PRDM15: variants seen among roughly 807,000 people sequenced by gnomAD.
PRDM15 encodes PR/SET domain 15.
A neutral mutation model predicts 128.6 loss-of-function variants in PRDM15; 64 were observed. The ratio of observed to expected loss-of-function variants is 0.50; its 90% CI spans 0.41 to 0.61. The LOEUF is 0.61. PRDM15 is among the 20% of genes least tolerant of loss of function. PRDM15 has a pLI of 0.00. For missense variants in PRDM15, 1,242 were observed against 1,569.1 expected (o/e 0.79, Z 3.52); for synonymous variants, 615 against 621.8 (o/e 0.99, Z 0.16).
chr21:41,830,316 C>T (rs1174767735), intron 11 of PRDM15, among the ~76,000 whole-genome samples: 1 of 151,070 alleles, frequency 6.6e-6, no homozygotes, highest in East Asian at 1.9e-4. Context: ...ACAACACATA[C>T]TCAACACATA....
intron 11 of PRDM15, among the ~76,000 whole-genome samples, chr21:41,835,008 G>A (rs2839390): frequency 0.57 from 86,044 of 152,104 alleles, 24,816 homozygotes; most frequent in Admixed American, 0.66. Context: ...CGCAGGAGAT[G>A]TGGATGGAGG....
chr21:41,877,893 C>T (rs185035691), intron 1 of PRDM15, among the ~76,000 whole-genome samples: 1 of 152,312 alleles, frequency 6.6e-6, no homozygotes, highest in East Asian at 1.9e-4. Flanking sequence ...GGTGTTTTTG[C>T]TCTTGAAAGT....
Position 41,828,263 on chromosome 21 carries a change from C to T in PRDM15, c.1437G>A (p.Lys479=). Residue 479 remains lysine (K), a synonymous_variant, in exon 12 of 24, where the codon AAG becomes AAA. Transcript: ENST00000398548. The surrounding 1 kb of genome is among the most constrained non-coding windows in gnomAD (Gnocchi z 5.7). The part of the protein sequence containing the change: ...FSTNSNLSKH[K]KKHGDKKFAC... ...CAAACTTCTTGTCGCCGTGCTTCTT[C>T]TTGTGCTTGGAGAGGTTGCTGTTGG... is the stretch of plus-strand genomic sequence containing the variant. 1.2e-6 allele frequency: 2 copies of T among 1,614,108 alleles called. No homozygotes were observed. Among genetic ancestry groups the T allele is most frequent in the Non-Finnish European group, 1.7e-6 (2 of 1,180,008 alleles).
chr21:41,836,082 G>C (rs1224180514), intron 10 of PRDM15, 31 bp downstream of exon 10: 1 of 1,522,378 alleles, frequency 6.6e-7, no homozygotes, highest in Admixed American at 1.7e-5. Flanking sequence ...CACACAACTG[G>C]GAAGAGAACC....
intron 22 of PRDM15, among the ~76,000 whole-genome samples, chr21:41,803,993 C>A (rs2061489650): frequency 7.5e-6 from 1 of 134,092 alleles, no homozygotes; most frequent in Non-Finnish European, 1.5e-5. Flanking sequence ...CAGACACAGT[C>A]TCGCTCTGTT....
intron 1 of PRDM15, among the ~76,000 whole-genome samples, chr21:41,878,064 C>T (rs2064484705): frequency 6.6e-6 from 1 of 152,260 alleles, no homozygotes; most frequent in Non-Finnish European, 1.5e-5. Flanking sequence ...GATCACCACC[C>T]TTATCGAGTG....
chr21:41,801,611 G>A lies in PRDM15; in HGVS notation c.3055C>T (p.Leu1019Phe). Residue 1019 changes from leucine (L) to phenylalanine (F), a missense_variant, in exon 24 of 24, where the codon CTC (leucine) becomes TTC (phenylalanine). Leu to Phe is a conservative substitution (Grantham distance 22). Coordinates refer to ENST00000398548, the MANE Select transcript of PRDM15 (RefSeq NM_001040424.3). ...AGGTGCCCCACGGCCACCGGCTGGA[G>A]ATTGGTAAACTGAGTCGCGGCCGCA... ...TTAAATQFTNLQPVAVGHLTT... is the reference protein window; with the variant it reads ...TTAAATQFTNFQPVAVGHLTT... The A allele has an allele frequency of 6.2e-7, 1 of 1,614,218 alleles. No individual in the cohort carries two copies. Among genetic ancestry groups the A allele is most frequent in the Non-Finnish European group, 8.5e-7 (1 of 1,180,044 alleles).
At chr21:41,804,984 T>G (rs1186244540) in intron 21 of PRDM15, among the ~76,000 whole-genome samples, 1 of 152,230 alleles carries the variant, frequency 6.6e-6, no homozygotes, top group African/African-American at 2.4e-5. Flanking sequence ...TAGAGTAAAC[T>G]TGTTCTATGA....
intron 1 of PRDM15, among the ~76,000 whole-genome samples, chr21:41,869,835 C>T (rs1193034106): frequency 2.0e-5 from 3 of 152,228 alleles, no homozygotes; most frequent in Admixed American, 1.3e-4. Flanking sequence ...AGGCTGAGGT[C>T]CACCTTTTTG....
chr21:41,828,324 G>A lies in PRDM15; in HGVS notation c.1376C>T (p.Thr459Met), dbSNP rs2062543932. ...EFHNCRTDDKTFQCEMCFRFF... is the reference protein window; with the variant it reads ...EFHNCRTDDKMFQCEMCFRFF... ...TCTGAAACACATCTCACATTGGAAC[G>A]TCTTGTCATCTGTCCAGAGAGCAAA... The change falls in exon 12 of 24, where the codon ACG becomes ATG. Residue 459 changes from threonine to methionine, a missense_variant. Physicochemically the swap from Thr to Met is moderately conservative, Grantham distance 81. Transcript: ENST00000398548. The surrounding 1 kb of genome is among the most constrained non-coding windows in gnomAD (Gnocchi z 5.7). 2.5e-6 allele frequency: 4 copies of A among 1,613,954 alleles called. No individual in the cohort carries two copies. The highest frequency in any genetic ancestry group is 4.5e-5 in the East Asian group (2 of 44,862).
intron 21 of PRDM15, 148 bp from the exon 22 acceptor site, chr21:41,804,762 G>T: frequency 1.7e-6 from 1 of 576,886 alleles, no homozygotes; most frequent in Non-Finnish European, 3.0e-6. Flanking sequence ...CCTCTGTTCA[G>T]CTCTGACTTT....
chr21:41,810,065 G>A lies in PRDM15; in HGVS notation c.2652+89C>T, dbSNP rs186755143. 14,796 of 1,340,688 alleles carry A rather than the reference G, an allele frequency of 0.011. 116 individuals are homozygous for A. The highest frequency in any genetic ancestry group is 0.028 in the Middle Eastern group (106 of 3,830). 83.0% of individuals were successfully genotyped at this position (1,340,688 alleles called of 1,614,324 possible). A position where few individuals can be genotyped will look rare whatever the true frequency, so the allele number is the denominator to read the frequency against. On this transcript the variant is annotated intron_variant, in intron 21 of 23. Coordinates refer to ENST00000398548, the MANE Select transcript of PRDM15 (RefSeq NM_001040424.3). This position sits in a 1 kb window ranked among gnomAD's most constrained non-coding sequence, Gnocchi z 6.4. ...GGCCTGCCTCCAGTACTGGGGGTCT[G>A]CAGAGGGAGGTGGGCCATGTGCCAG...
rs1322655596 is a variant in PRDM15, at chr21:41,804,528, G to T, written c.2733+6C>A. 3 of 1,560,958 alleles carry T rather than the reference G, an allele frequency of 1.9e-6. No homozygotes were observed. The South Asian group carries it at 3.5e-5, about 18-fold the overall frequency. On this transcript the variant is annotated splice_donor_region_variant and intron_variant, in intron 22 of 23. Transcript: ENST00000398548. ...TTCTGAGCCCCTGGGGCCCCATGCT[G>T]CTCACCTGGACGATGCCAATGGAGG...
At position 41,799,416 on chromosome 21, in the gene PRDM15, C is replaced by T. The variant is rs2061367302; in HGVS notation, c.*1824G>A. The T allele has an allele frequency of 2.6e-5, 4 of 152,162 alleles. No individual in the cohort carries two copies. The highest frequency in any genetic ancestry group is 2.0e-4 in the Admixed American group (3 of 15,274). The allele number at this position is 152,162 out of a possible 1,614,324, so 9.4% of individuals were successfully genotyped here. On this transcript the variant is annotated 3_prime_UTR_variant, in exon 24 of 24. Transcript: ENST00000398548. ...TATGTATAAAACAGTTAATTATATA[C>T]ATAAATAACATAAAATAATTCTCAT...
At position 41,862,518 on chromosome 21, in the gene PRDM15, G is replaced by A. The variant is rs768655531; in HGVS notation, c.-9-2146C>T. ...GGAAACCCAGAAGAGAGGGGCGAGGGAAGCTGGAGAGCAGGGTTTTAGCCC... is the reference window on the plus strand; with the variant it reads ...GGAAACCCAGAAGAGAGGGGCGAGGAAAGCTGGAGAGCAGGGTTTTAGCCC... On this transcript the variant is annotated intron_variant, in intron 1 of 23. Transcript: ENST00000398548. The surrounding 1 kb of genome is among the most constrained non-coding windows in gnomAD (Gnocchi z 4.1). Among the ~76,000 whole-genome samples, 8 of 152,132 alleles carry A rather than the reference G, an allele frequency of 5.3e-5. No individual in the cohort carries two copies. Among genetic ancestry groups the A allele is most frequent in the African/African-American group, 1.9e-4 (8 of 41,436 alleles).
Position 41,859,192 on chromosome 21 carries a change from C to T in PRDM15, c.131+400G>A, listed in dbSNP as rs368323707. On this transcript the variant is annotated intron_variant, in intron 3 of 23. Coordinates refer to ENST00000398548, the MANE Select transcript of PRDM15 (RefSeq NM_001040424.3). The surrounding 1 kb of genome is among the most constrained non-coding windows in gnomAD (Gnocchi z 5.3). ...CCTCATAACCCCGCATCCCCTGCCC[C>T]GCCTGGGTGTGCACGTGTCCGCTGG... is the stretch of plus-strand genomic sequence containing the variant. 1.9e-4 allele frequency: 301 copies of T among 1,613,866 alleles called. No homozygotes were observed. Among genetic ancestry groups the T allele is most frequent in the Non-Finnish European group, 2.4e-4 (280 of 1,180,010 alleles).
rs28360603 is a variant in PRDM15 at position 41,821,851 on chromosome 21, G to A, written c.1896+52C>T. The A allele has an allele frequency of 0.41, 662,444 of 1,606,318 alleles. 139,956 individuals are homozygous for A. The highest frequency in any genetic ancestry group is 0.52 in the Admixed American group (30,952 of 59,954). ...TGTGTGGGGCCCACAGCCTTGAAAC[G>A]ACCACCTTCCTCTCCAGACCACCCA... On this transcript the variant is annotated intron_variant, in intron 15 of 23. Coordinates refer to ENST00000398548, the MANE Select transcript of PRDM15 (RefSeq NM_001040424.3). This position sits in a 1 kb window ranked among gnomAD's most constrained non-coding sequence, Gnocchi z 5.4.
At position 41,832,302 on chromosome 21, in the gene PRDM15, G is replaced by A. The variant is rs576150799; in HGVS notation, c.1366+3135C>T. On this transcript the variant is annotated intron_variant, in intron 11 of 23. Coordinates refer to ENST00000398548, the MANE Select transcript of PRDM15 (RefSeq NM_001040424.3). The surrounding 1 kb of genome is among the most constrained non-coding windows in gnomAD (Gnocchi z 4.2). ...TTTGTGAAAGGCCACACCTTACAGC[G>A]CTGTGGCATCAGATTGCCACAGGCC... Among the ~76,000 whole-genome samples, 5 of 151,864 alleles carry A rather than the reference G, an allele frequency of 3.3e-5. No individual in the cohort carries two copies. The highest frequency in any genetic ancestry group is 2.0e-4 in the Admixed American group (3 of 15,246).
At chr21:41,852,259 G>T (rs2063452301) in intron 5 of PRDM15, among the ~76,000 whole-genome samples, 1 of 152,268 alleles carries the variant, frequency 6.6e-6, no homozygotes, top group African/African-American at 2.4e-5. Flanking sequence ...GGGGTAAACG[G>T]CCAAGGCCGG....
Sources: gnomAD v4.1 joint callset for allele counts (sites outside exome capture counted in the v4.1 genomes callset) on GRCh38, gnomAD v4.1.1 for gene constraint, Gnocchi (gnomAD v3.1) non-coding constraint, MANE v1.5 for transcripts, NCBI Gene and HGNC (gene_info 2026-07-23, HGNC 2026-07-21) for gene names.